Variants in CFAP221 observed in about 807,000 individuals in gnomAD.
The protein encoded by CFAP221 is cilia- and flagella-associated protein 221.
Under a neutral mutation model 113.1 loss-of-function variants are expected in CFAP221, and 97 were observed. The observed-to-expected ratio is 0.86, with a 90% CI of 0.73 to 1.02. CFAP221 has a LOEUF of 1.02. Ranked by LOEUF, CFAP221 falls within the 50% of genes least tolerant of loss-of-function variation. The pLI is 0.00. For synonymous variants in CFAP221, 331 were observed against 354.4 expected (o/e 0.93, Z 0.74); for missense variants, 1,025 against 1,013.4 (o/e 1.01, Z -0.16).
At chr2:119,546,044 G>A (rs1346739014) in intron 1 of CFAP221, 41 bp from the exon 2 acceptor site, 3 of 1,358,428 alleles carry the variant, frequency 2.2e-6, no homozygotes, top group South Asian at 1.5e-5. Context: ...AATGTGCGTG[G>A]TTTCTCATGG....
At position 119,559,841 on chromosome 2, in the gene CFAP221, T is replaced by TG. The variant is rs1050054548; in HGVS notation, c.327+72dup. The TG allele has an allele frequency of 2.0e-5, 30 of 1,466,468 alleles. 1 individual carries two copies. The highest frequency in any genetic ancestry group is 1.5e-4 in the African/African-American group (11 of 71,196). The allele number at this position is 1,466,468 out of a possible 1,614,324, so 90.8% of individuals were successfully genotyped here. On this transcript the variant is annotated intron_variant, in intron 4 of 23. Coordinates refer to ENST00000413369, the MANE Select transcript of CFAP221 (RefSeq NM_001271049.2). Reference sequence around the variant, plus strand: ...GTCTGCGTCTCAGGCCTGTGTGGGGTGGGGGGTGTGTGGTGTGTTGTCACC... The same window carrying TG: ...GTCTGCGTCTCAGGCCTGTGTGGGGTGGGGGGGTGTGTGGTGTGTTGTCACC...
intron 5 of CFAP221, among the ~76,000 whole-genome samples, chr2:119,560,956 G>A (rs1234109572): frequency 6.6e-6 from 1 of 151,866 alleles, no homozygotes; most frequent in Non-Finnish European, 1.5e-5. Flanking sequence ...ATTTCCTTAA[G>A]AATATGATAG....
intron 6 of CFAP221, among the ~76,000 whole-genome samples, chr2:119,562,440 G>T (rs148932043): frequency 6.6e-6 from 1 of 152,068 alleles, no homozygotes; most frequent in African/African-American, 2.4e-5. Flanking sequence ...ACCATCTTGC[G>T]CTTCATTCTC....
intron 8 of CFAP221, chr2:119,602,468 G>A (rs923592571): frequency 3.4e-6 from 1 of 296,832 alleles, no homozygotes; most frequent in Non-Finnish European, 5.0e-6. Context: ...AAATATCTTG[G>A]TTTTCCTCTT....
intron 14 of CFAP221, among the ~76,000 whole-genome samples, chr2:119,623,653 C>G (rs1010853777): frequency 6.6e-6 from 1 of 152,208 alleles, no homozygotes; most frequent in East Asian, 1.9e-4. Context: ...CAGCATGGTA[C>G]TGGTACCAAA....
intron 8 of CFAP221, chr2:119,602,632 T>C (rs1013046819): frequency 1.1e-5 from 11 of 985,250 alleles, no homozygotes; most frequent in Admixed American, 6.1e-5. Flanking sequence ...CTAAGTCAAC[T>C]GTAGGATATT....
intron 23 of CFAP221, 123 bp from the exon 24 acceptor site, chr2:119,656,239 A>G: frequency 1.4e-6 from 1 of 698,508 alleles, no homozygotes; most frequent in Non-Finnish European, 2.5e-6. Flanking sequence ...ACTGTGGTGA[A>G]AACCTTCTTT....
At position 119,549,070 on chromosome 2, in the gene CFAP221, A is replaced by G. The variant is rs1349634577; in HGVS notation, c.140-15A>G. The G allele has an allele frequency of 4.8e-6, 7 of 1,473,038 alleles. No individual in the cohort carries two copies. Among genetic ancestry groups the G allele is most frequent in the Admixed American group, 4.5e-5 (2 of 44,904 alleles). 91.2% of individuals were successfully genotyped at this position (1,473,038 alleles called of 1,614,324 possible). A position where few individuals can be genotyped will look rare whatever the true frequency, so the allele number is the denominator to read the frequency against. On this transcript the variant is annotated splice_polypyrimidine_tract_variant and intron_variant, in intron 2 of 23. Transcript: ENST00000413369. ...TTGATGTCTCATGATGTGCTTATCT[A>G]CATTGTTTTTATAGAGGTTTATGCA...
intron 14 of CFAP221, among the ~76,000 whole-genome samples, 153 bp downstream of exon 14, chr2:119,615,862 T>C (rs1685488350): frequency 6.6e-6 from 1 of 152,198 alleles, no homozygotes; most frequent in African/African-American, 2.4e-5. Context: ...TTTTAGTATA[T>C]TTATAGAGCT....
chr2:119,574,990 G>A (rs1254094525), intron 6 of CFAP221, among the ~76,000 whole-genome samples: 1 of 152,124 alleles, frequency 6.6e-6, no homozygotes, highest in Non-Finnish European at 1.5e-5. Flanking sequence ...AATTATTGCT[G>A]GTGGGTAAGG....
intron 7 of CFAP221, among the ~76,000 whole-genome samples, chr2:119,594,345 C>T (rs1453946165): frequency 6.6e-6 from 1 of 152,044 alleles, no homozygotes; most frequent in Non-Finnish European, 1.5e-5. Flanking sequence ...AAGCGATCCT[C>T]CTGCCTCAGC....
intron 19 of CFAP221, among the ~76,000 whole-genome samples, chr2:119,636,445 A>G (rs994340731): frequency 2.0e-5 from 3 of 152,224 alleles, no homozygotes; most frequent in African/African-American, 7.2e-5. Context: ...TGTGTGTACC[A>G]TTTCAAGTCA....
intron 14 of CFAP221, among the ~76,000 whole-genome samples, chr2:119,620,021 C>T (rs564161724): frequency 3.3e-5 from 5 of 152,004 alleles, no homozygotes; most frequent in East Asian, 1.9e-4. Context: ...TGAAATAAAG[C>T]GTGAAGACAA....
chr2:119,600,912 T>C (rs1299716962), intron 7 of CFAP221, among the ~76,000 whole-genome samples: 1 of 152,218 alleles, frequency 6.6e-6, no homozygotes, highest in Admixed American at 6.5e-5. Flanking sequence ...ATAACAAATA[T>C]ATTTTCTCTT....
chr2:119,545,053 A>T (rs750280106), intron 1 of CFAP221: 6 of 136,886 alleles, frequency 4.4e-5, no homozygotes, highest in Non-Finnish European at 4.7e-5. Flanking sequence ...AGGGGAGAAG[A>T]GGGGAGGGGA....
Position 119,633,154 on chromosome 2 carries a change from A to G in CFAP221, c.1974+2253A>G, listed in dbSNP as rs1186561810. On this transcript the variant is annotated intron_variant, in intron 19 of 23. Transcript: ENST00000413369. ...ATAATGTTAGAACATTTGGATATCTATTTACCAAAAACAAAAATAAAAATT... is the reference window on the plus strand; with the variant it reads ...ATAATGTTAGAACATTTGGATATCTGTTTACCAAAAACAAAAATAAAAATT... Among the ~76,000 whole-genome samples, 5 of 152,086 alleles carry G rather than the reference A, an allele frequency of 3.3e-5. No individual in the cohort carries two copies. In the South Asian group the frequency reaches 1.0e-3, roughly 31 times the overall value.
rs1681285195 is a variant in CFAP221, at chr2:119,562,086, A to T, written c.499A>T (p.Asn167Tyr). 1 of 1,534,456 alleles carries T rather than the reference A, an allele frequency of 6.5e-7. No homozygotes were observed. Among genetic ancestry groups the T allele is most frequent in the Admixed American group, 2.0e-5 (1 of 50,830 alleles). ...MNSLDFPSFI[N>Y]LSNVLLGESK... The stretch of plus-strand genomic sequence containing the variant: ...CTCACTAGACTTTCCTTCATTTATA[A>T]ATCTGTCAAATGTTCTACTTGGTGA... Residue 167 changes from asparagine to tyrosine, a missense_variant, in exon 6 of 24, where the codon AAT becomes TAT. Physicochemically the swap from Asn to Tyr is moderately radical, Grantham distance 143. Transcript: ENST00000413369.
downstream of CFAP221, among the ~76,000 whole-genome samples, chr2:119,658,968 G>T (rs567840021): frequency 6.7e-6 from 1 of 149,520 alleles, no homozygotes; most frequent in African/African-American, 2.5e-5. Flanking sequence ...TCCAGCCCTG[G>T]TGACAGAATG....
intron 22 of CFAP221, among the ~76,000 whole-genome samples, chr2:119,649,841 T>C (rs1415085475): frequency 6.6e-6 from 1 of 152,212 alleles, no homozygotes; most frequent in Non-Finnish European, 1.5e-5. Context: ...GGGGAAGAGC[T>C]GGGTTGACCG....
Sources: gnomAD v4.1 joint callset for allele counts (sites outside exome capture counted in the v4.1 genomes callset) on GRCh38, gnomAD v4.1.1 for gene constraint, MANE v1.5 for transcripts, NCBI Gene and HGNC (gene_info 2026-07-23, HGNC 2026-07-21) for gene names.